Variants in CNTN4 observed in about 807,000 individuals in gnomAD.
The protein encoded by CNTN4 is contactin-4.
Under a neutral mutation model 122.5 loss-of-function variants are expected in CNTN4, and 77 were observed. The observed-to-expected ratio is 0.63, with a 90% CI of 0.52 to 0.76. CNTN4 has a LOEUF of 0.76. Among genes scored for constraint, CNTN4 ranks in the 30% least tolerant of loss-of-function variants. The probability of loss-of-function intolerance (pLI) is 0.00; values close to 1 mark genes in which losing one functional copy is unlikely to be tolerated. For missense variants in CNTN4, 1,256 were observed against 1,259.1 expected (o/e 1.00, Z 0.04); for synonymous variants, 512 against 447.0 (o/e 1.15, Z -1.83).
intron 2 of CNTN4, among the ~76,000 whole-genome samples, chr3:2,129,491 T>A (rs537330195): frequency 6.6e-6 from 1 of 152,038 alleles, no homozygotes; most frequent in East Asian, 2.0e-4. Flanking sequence ...TTAAATTTCC[T>A]TTAGCATACA....
At chr3:2,623,282 C>A (rs1412705488) in intron 4 of CNTN4, among the ~76,000 whole-genome samples, 1 of 149,646 alleles carries the variant, frequency 6.7e-6, no homozygotes, top group African/African-American at 2.5e-5. Flanking sequence ...TGATTTTCTA[C>A]CCTCTTGTTT....
Position 2,874,160 on chromosome 3 carries a change from C to G in CNTN4, c.652+7211C>G, listed in dbSNP as rs1258645514. On this transcript the variant is annotated intron_variant, in intron 8 of 24. Coordinates refer to ENST00000418658, the MANE Select transcript of CNTN4 (RefSeq NM_175607.3). ...GAACTTGGCAGTCATCTTTAGACCT[C>G]TAGCATAGCCAATTCCATTTCAGGT... 2.6e-5 allele frequency among the ~76,000 whole-genome samples: 4 copies of G among 152,298 alleles called. No homozygotes were observed. In the East Asian group the frequency reaches 7.7e-4, roughly 29 times the overall value.
At chr3:2,638,226 T>G (rs17017790) in intron 4 of CNTN4, among the ~76,000 whole-genome samples, 12,625 of 152,200 alleles carry the variant, frequency 0.083, 745 homozygotes, top group African/African-American at 0.17. Flanking sequence ...CTGTGCAGAT[T>G]CTTTAAACCT....
intron 3 of CNTN4, among the ~76,000 whole-genome samples, chr3:2,501,774 TA>T (rs1017068539): frequency 3.9e-5 from 6 of 152,170 alleles, no homozygotes; most frequent in Non-Finnish European, 8.8e-5. Flanking sequence ...TTTCACTGTG[TA>T]AAGTACAGGC....
chr3:2,154,592 AAAC>A (rs1446728277), intron 2 of CNTN4, among the ~76,000 whole-genome samples: 2 of 152,224 alleles, frequency 1.3e-5, no homozygotes, highest in East Asian at 1.9e-4. Flanking sequence ...GATAGGGATT[AAAC>A]AACAACAGCA....
At chr3:2,873,641 A>C (rs1352072630) in intron 8 of CNTN4, among the ~76,000 whole-genome samples, 4 of 152,224 alleles carry the variant, frequency 2.6e-5, no homozygotes, top group Admixed American at 2.6e-4. Flanking sequence ...ATACTGCTCC[A>C]TGCTACATTA....
At chr3:2,118,001 C>A (rs2033478439) in intron 2 of CNTN4, among the ~76,000 whole-genome samples, 1 of 151,934 alleles carries the variant, frequency 6.6e-6, no homozygotes, top group Non-Finnish European at 1.5e-5. Context: ...GAAAAAACAC[C>A]CCAGCTATTA....
chr3:2,115,016 C>A lies in CNTN4; in HGVS notation c.-145+14377C>A, dbSNP rs145639845. Among the ~76,000 whole-genome samples the A allele has an allele frequency of 5.5e-3, 841 of 152,310 alleles. 14 individuals carry two copies. The highest frequency in any genetic ancestry group is 0.02 in the African/African-American group (813 of 41,554). On this transcript the variant is annotated intron_variant, in intron 2 of 24. Transcript: ENST00000418658. ...AAGTTTCCTTTTCTAACAGCAAAAT[C>A]TCTTCCACTGTTTGCAGTCTTGTGT...
intron 3 of CNTN4, among the ~76,000 whole-genome samples, chr3:2,438,071 C>T (rs548105780): frequency 1.1e-4 from 17 of 152,202 alleles, no homozygotes; most frequent in African/African-American, 4.1e-4. Context: ...TTTTTAATTC[C>T]ACTTCTTTTC....
chr3:2,745,729 T>G (rs772187479), intron 6 of CNTN4, 32 bp downstream of exon 6: 1 of 1,602,450 alleles, frequency 6.2e-7, no homozygotes, highest in South Asian at 1.1e-5. Context: ...CTGCAAATGT[T>G]GCTTTCAGTT....
In CNTN4 at chr3:2,624,666, C is replaced by T. The variant is rs543705174; in HGVS notation, c.55+53108C>T. On this transcript the variant is annotated intron_variant, in intron 4 of 24. Transcript: ENST00000418658. ...TTTTTTTTCGAGGCTGAGTCTCACC[C>T]TGTCTCCCAGGCTGGAGTGCAGAGA... 1.6e-3 allele frequency among the ~76,000 whole-genome samples: 230 copies of T among 147,314 alleles called. 2 individuals carry two copies. The highest frequency in any genetic ancestry group is 5.6e-3 in the African/African-American group (222 of 39,670).
chr3:2,798,605 A>C (rs147982447), intron 6 of CNTN4, among the ~76,000 whole-genome samples: 1 of 152,010 alleles, frequency 6.6e-6, no homozygotes, highest in Non-Finnish European at 1.5e-5. Context: ...TGCCTGCTGC[A>C]CTCAAGAGAT....
rs568928471 is a variant in CNTN4 at position 2,330,593 on chromosome 3, G to A, written c.-144-8585G>A. On this transcript the variant is annotated intron_variant, in intron 2 of 24. Transcript: ENST00000418658. ...AATATCACAGAGGAAAAGAGGGTCA[G>A]TATCTTAATTTTATAAGGGAGGCAT... Among the ~76,000 whole-genome samples, 163 of 113,570 alleles carry A rather than the reference G, an allele frequency of 1.4e-3. 1 individual carries two copies. The highest frequency in any genetic ancestry group is 4.6e-3 in the African/African-American group (155 of 33,548). The allele number at this position is 113,570 out of a possible 152,430, so 74.5% of individuals were successfully genotyped here. A position where few individuals can be genotyped will look rare whatever the true frequency, so the allele number is the denominator to read the frequency against.
intron 4 of CNTN4, among the ~76,000 whole-genome samples, chr3:2,680,243 G>A (rs551342321): frequency 5.3e-5 from 8 of 152,266 alleles, no homozygotes; most frequent in South Asian, 2.1e-4. Context: ...TCAGCCAAGC[G>A]AGGCAAGGCT....
intron 6 of CNTN4, among the ~76,000 whole-genome samples, chr3:2,797,920 ATTTTT>A: frequency 7.3e-6 from 1 of 137,840 alleles, no homozygotes; most frequent in South Asian, 2.4e-4. Flanking sequence ...CACACTGAGT[ATTTTT>A]TTTTTTTTTT....
intron 15 of CNTN4, among the ~76,000 whole-genome samples, chr3:3,028,563 C>T (rs1698919061): frequency 6.6e-6 from 1 of 152,128 alleles, no homozygotes; most frequent in Non-Finnish European, 1.5e-5. Flanking sequence ...GACATTTAAG[C>T]CCTTCATGAA....
intron 4 of CNTN4, among the ~76,000 whole-genome samples, chr3:2,657,215 A>C (rs190542455): frequency 2.0e-5 from 3 of 152,214 alleles, no homozygotes; most frequent in Non-Finnish European, 4.4e-5. Flanking sequence ...AAAACTAAAT[A>C]AAAATGACCT....
At chr3:2,456,395 A>G (rs2049001635) in intron 3 of CNTN4, among the ~76,000 whole-genome samples, 1 of 152,148 alleles carries the variant, frequency 6.6e-6, no homozygotes, top group South Asian at 2.1e-4. Flanking sequence ...CCATTTTAAA[A>G]TAAACAATTC....
At chr3:3,007,456 C>G (rs924913150) in intron 14 of CNTN4, among the ~76,000 whole-genome samples, 16 of 152,200 alleles carry the variant, frequency 1.1e-4, no homozygotes, top group Non-Finnish European at 2.1e-4. Context: ...TCATTTTAAT[C>G]AATAGCCTAC....
Sources: gnomAD v4.1 joint callset for allele counts (sites outside exome capture counted in the v4.1 genomes callset) on GRCh38, gnomAD v4.1.1 for gene constraint, MANE v1.5 for transcripts, NCBI Gene and HGNC (gene_info 2026-07-23, HGNC 2026-07-21) for gene names.